The following EPB41L3 variants were observed in gnomAD, a reference collection of about 807,000 sequenced individuals.
The protein encoded by EPB41L3 is band 4.1-like protein 3.
Under a neutral mutation model 127.1 loss-of-function variants are expected in EPB41L3, and 57 were observed. That is an observed-to-expected ratio of 0.45 (90% CI 0.36 to 0.56). The LOEUF is 0.56. Ranked by LOEUF, EPB41L3 falls within the 20% of genes least tolerant of loss-of-function variation. The probability of loss-of-function intolerance (pLI) is 0.00; values close to 1 mark genes in which losing one functional copy is unlikely to be tolerated. For synonymous variants in EPB41L3, 572 were observed against 549.5 expected, an observed-to-expected ratio of 1.04 and a Z score of -0.57; for missense variants, 1,273 against 1,372.2, an observed-to-expected ratio of 0.93 and a Z score of 1.14.
chr18:5,398,355 C>G lies in EPB41L3; in HGVS notation c.2350-212G>C, dbSNP rs529744767. ...GTAAAGCAGAGACGGTTATTAGGAT[C>G]AGGGTGGCGCCGATTTAAGCAGATA... On this transcript the variant is annotated intron_variant, in intron 16 of 22. Coordinates refer to ENST00000341928, the MANE Select transcript of EPB41L3 (RefSeq NM_012307.5). 3 of 597,208 alleles carry G rather than the reference C, an allele frequency of 5.0e-6. No individual in the cohort carries two copies. In the South Asian group the frequency reaches 6.7e-5, roughly 13 times the overall value. 37.0% of individuals were successfully genotyped at this position (597,208 alleles called of 1,614,324 possible). A position where few individuals can be genotyped will look rare whatever the true frequency, so the allele number is the denominator to read the frequency against.
intron 1 of EPB41L3, among the ~76,000 whole-genome samples, chr18:5,523,917 T>C (rs1202586727): frequency 6.6e-6 from 1 of 152,214 alleles, no homozygotes; most frequent in East Asian, 1.9e-4. Flanking sequence ...TATAATGCTC[T>C]ACAAGTAGAT....
intron 3 of EPB41L3, among the ~76,000 whole-genome samples, chr18:5,557,212 A>C (rs1323987909): frequency 6.6e-6 from 1 of 152,226 alleles, no homozygotes; most frequent in Admixed American, 6.5e-5. Flanking sequence ...CCTGATGGAA[A>C]GGGCTAAGTG....
chr18:5,492,039 G>T (rs2090654831), intron 1 of EPB41L3, among the ~76,000 whole-genome samples: 1 of 152,140 alleles, frequency 6.6e-6, no homozygotes, highest in Admixed American at 6.5e-5. Context: ...AATATGTCTG[G>T]CTGGGCGCAG....
At chr18:5,560,123 G>A (rs2094103339) in intron 3 of EPB41L3, among the ~76,000 whole-genome samples, 1 of 152,174 alleles carries the variant, frequency 6.6e-6, no homozygotes, top group Non-Finnish European at 1.5e-5. Context: ...AAATTCGTTT[G>A]CTGGATTAGG....
At chr18:5,580,001 C>T (rs2094376517) in intron 3 of EPB41L3, among the ~76,000 whole-genome samples, 1 of 151,922 alleles carries the variant, frequency 6.6e-6, no homozygotes, top group South Asian at 2.1e-4. Flanking sequence ...ACTATTAATC[C>T]CAATTTAAGG....
rs2081322080 is a variant in EPB41L3, at chr18:5,445,339, T to C, written c.382-95A>G. 5 of 973,942 alleles carry C rather than the reference T, an allele frequency of 5.1e-6. No homozygotes were observed. The South Asian group carries it at 6.0e-5, about 12-fold the overall frequency. The allele number at this position is 973,942 out of a possible 1,614,324, so 60.3% of individuals were successfully genotyped here. On this transcript the variant is annotated intron_variant, in intron 3 of 22. Coordinates refer to ENST00000341928, the MANE Select transcript of EPB41L3 (RefSeq NM_012307.5). ...AACCAGGTAATATTTAAAACATTGC[T>C]TGGTGTAACTTTAGGGAGTGACCAA...
intron 3 of EPB41L3, among the ~76,000 whole-genome samples, chr18:5,550,328 T>A (rs1392167193): frequency 6.6e-6 from 1 of 152,198 alleles, no homozygotes; most frequent in Non-Finnish European, 1.5e-5. Flanking sequence ...AGAGGCTCCA[T>A]CCTTCTAAAG....
At chr18:5,579,576 T>A (rs2094371420) in intron 3 of EPB41L3, among the ~76,000 whole-genome samples, 1 of 152,196 alleles carries the variant, frequency 6.6e-6, no homozygotes, top group Non-Finnish European at 1.5e-5. Context: ...AATTCAGTCC[T>A]GCCAGGCTCC....
chr18:5,394,644 A>T (rs1168099617), intron 22 of EPB41L3, 33 bp downstream of exon 22: 9 of 1,565,514 alleles, frequency 5.7e-6, no homozygotes, highest in Non-Finnish European at 7.9e-6. Context: ...ATGCCAGCCT[A>T]GGCAAGCCTA....
At chr18:5,609,925 A>G (rs1230011204) in intron 3 of EPB41L3, among the ~76,000 whole-genome samples, 1 of 152,180 alleles carries the variant, frequency 6.6e-6, no homozygotes, top group East Asian at 1.9e-4. Flanking sequence ...AATATGATTC[A>G]TCTTCGTTTC....
intron 1 of EPB41L3, among the ~76,000 whole-genome samples, chr18:5,520,795 T>C (rs536063466): frequency 6.6e-6 from 1 of 152,316 alleles, no homozygotes; most frequent in African/African-American, 2.4e-5. Flanking sequence ...CACCCTGAAC[T>C]TCCATTTTAT....
chr18:5,484,992 G>T (rs2030785449), intron 2 of EPB41L3, among the ~76,000 whole-genome samples: 1 of 150,920 alleles, frequency 6.6e-6, no homozygotes, highest in Admixed American at 6.6e-5. Context: ...ATGCTACAAG[G>T]TCAATATTAC....
rs759752389 is a variant in EPB41L3, at chr18:5,585,533, T to A, written c.-306+26807A>T. ...TGGCCAGGCTGGCCAACAAGTAATT[T>A]AAAACAAGCAATGCAAGTCCAGATC... On this transcript the variant is annotated intron_variant, in intron 3 of 21. Transcript: ENST00000545076. Among the ~76,000 whole-genome samples the A allele has an allele frequency of 1.8e-4, 27 of 152,104 alleles. 1 individual carries two copies. The highest frequency in any genetic ancestry group is 2.6e-4 in the Admixed American group (4 of 15,266).
In EPB41L3 at chr18:5,397,893, G is replaced by A. The variant is rs2073845860; in HGVS notation, c.2472+128C>T. 1.8e-5 allele frequency: 19 copies of A among 1,057,686 alleles called. No homozygotes were observed. The South Asian group carries it at 2.4e-4, about 13-fold the overall frequency. 65.5% of individuals were successfully genotyped at this position (1,057,686 alleles called of 1,614,324 possible). ...GCCAAGCAGACACAAAGGACAATAA[G>A]TGAAGACACCTTTGAGATGTTGAAG... is the stretch of plus-strand genomic sequence containing the variant. On this transcript the variant is annotated intron_variant, in intron 17 of 22. Transcript: ENST00000341928. The surrounding 1 kb of genome is among the most constrained non-coding windows in gnomAD (Gnocchi z 4.1).
intron 3 of EPB41L3, among the ~76,000 whole-genome samples, chr18:5,468,711 G>A (rs964727129): frequency 2.6e-5 from 4 of 152,132 alleles, no homozygotes; most frequent in Admixed American, 6.5e-5. Flanking sequence ...TCAGGAGTTC[G>A]AGATCAGCCT....
At chr18:5,517,553 A>T (rs984788632) in intron 1 of EPB41L3, among the ~76,000 whole-genome samples, 4 of 152,088 alleles carry the variant, frequency 2.6e-5, no homozygotes, top group African/African-American at 9.7e-5. Flanking sequence ...TCTCCACCTC[A>T]GCTTTCCGAG....
intron 1 of EPB41L3, among the ~76,000 whole-genome samples, chr18:5,528,569 T>C (rs2093311489): frequency 6.6e-6 from 1 of 152,130 alleles, no homozygotes; most frequent in Admixed American, 6.5e-5. Context: ...AAAATAATTT[T>C]CAACCCCATT....
intron 7 of EPB41L3, among the ~76,000 whole-genome samples, 168 bp downstream of exon 7, chr18:5,433,735 T>G (rs1009521484): frequency 3.3e-5 from 5 of 152,180 alleles, no homozygotes; most frequent in Admixed American, 2.6e-4. Flanking sequence ...AACACCTGGA[T>G]GCTCTGAGTG....
At chr18:5,469,560 G>C (rs1322529324) in intron 3 of EPB41L3, among the ~76,000 whole-genome samples, 3 of 152,132 alleles carry the variant, frequency 2.0e-5, no homozygotes, top group Non-Finnish European at 2.9e-5. Context: ...GTGGGATCTG[G>C]GCCAGTAGCA....
Sources: gnomAD v4.1 joint callset for allele counts (sites outside exome capture counted in the v4.1 genomes callset) on GRCh38, gnomAD v4.1.1 for gene constraint, Gnocchi (gnomAD v3.1) non-coding constraint, MANE v1.5 for transcripts, NCBI Gene and HGNC (gene_info 2026-07-23, HGNC 2026-07-21) for gene names.